Variants in GLIS3 observed in about 807,000 individuals in gnomAD.
GLIS3 encodes the protein zinc finger protein GLIS3.
Under a neutral mutation model 78.6 loss-of-function variants are expected in GLIS3, and 53 were observed. That is an observed-to-expected ratio of 0.67 (90% CI 0.54 to 0.85). The LOEUF is 0.85. Ranked by LOEUF, GLIS3 falls within the 40% of genes least tolerant of loss-of-function variation. The pLI is 0.00. For synonymous variants in GLIS3, 684 were observed against 509.9 expected (o/e 1.34, Z -4.60); for missense variants, 1,703 against 1,231.1 (o/e 1.38, Z -5.74).
At chr9:4,064,874 C>G (rs1022673540) in intron 4 of GLIS3, among the ~76,000 whole-genome samples, 4 of 152,196 alleles carry the variant, frequency 2.6e-5, no homozygotes, top group East Asian at 3.8e-4. Flanking sequence ...AGCATGTTAA[C>G]TAGGTCCCAA....
At chr9:4,416,337 A>G in the GLIS3 span, among the ~76,000 whole-genome samples, 2 of 150,290 alleles carry the variant, frequency 1.3e-5, no homozygotes, top group African/African-American at 4.9e-5. Context: ...CATCACCTTT[A>G]CAATTTTTTG....
At chr9:4,384,197 T>A in the GLIS3 span, among the ~76,000 whole-genome samples, 1 of 152,230 alleles carries the variant, frequency 6.6e-6, no homozygotes, top group African/African-American at 2.4e-5. Flanking sequence ...TGGAGCACAC[T>A]GGTGGTGAAC....
At chr9:4,072,552 A>G (rs1827702915) in intron 4 of GLIS3, among the ~76,000 whole-genome samples, 1 of 152,182 alleles carries the variant, frequency 6.6e-6, no homozygotes, top group Non-Finnish European at 1.5e-5. Flanking sequence ...ACATTTAAAA[A>G]TAGTCATTAT....
intron 6 of GLIS3, among the ~76,000 whole-genome samples, chr9:3,901,402 G>C (rs1823291285): frequency 6.6e-6 from 1 of 152,178 alleles, no homozygotes; most frequent in African/African-American, 2.4e-5. Flanking sequence ...ATGATAGACT[G>C]ATAGCTTGAA....
intron 2 of GLIS3, among the ~76,000 whole-genome samples, chr9:4,256,809 G>C (rs113689933): frequency 5.5e-5 from 7 of 127,742 alleles, no homozygotes; most frequent in African/African-American, 2.0e-4. Flanking sequence ...AAAAAGTTAA[G>C]AGAACTACCA....
chr9:4,285,737 T>C (rs1391723311), intron 2 of GLIS3: 2 of 404,900 alleles, frequency 4.9e-6, no homozygotes, highest in East Asian at 1.0e-4. Flanking sequence ...CTTGCTAACC[T>C]AGCTCTTACC....
chr9:3,873,529 T>C (rs1821099557), intron 8 of GLIS3, among the ~76,000 whole-genome samples: 2 of 152,184 alleles, frequency 1.3e-5, no homozygotes, highest in Admixed American at 1.3e-4. Flanking sequence ...ATAAGGTGAC[T>C]ATAGTTAAAT....
intron 2 of GLIS3, among the ~76,000 whole-genome samples, chr9:4,280,590 G>C (rs771892624): frequency 6.6e-6 from 1 of 152,034 alleles, no homozygotes; most frequent in African/African-American, 2.4e-5. Context: ...TAAATTCAGC[G>C]TCAAAGAATG....
At chr9:4,265,458 A>C (rs1034580344) in intron 2 of GLIS3, among the ~76,000 whole-genome samples, 2 of 146,300 alleles carry the variant, frequency 1.4e-5, no homozygotes, top group African/African-American at 5.4e-5. Context: ...ACTGGGATTC[A>C]ATCTCACATC....
chr9:4,386,298 G>A, the GLIS3 span: 1 of 152,070 alleles, frequency 6.6e-6, no homozygotes. Context: ...GGGCTGCAAT[G>A]AACATTTTCA....
chr9:4,263,711 T>C (rs971857106), intron 2 of GLIS3, among the ~76,000 whole-genome samples: 2 of 152,194 alleles, frequency 1.3e-5, no homozygotes, highest in Admixed American at 6.5e-5. Flanking sequence ...CCCAATGCAA[T>C]AGAGTATTTT....
chr9:4,032,846 T>C (rs1442288449), intron 4 of GLIS3, among the ~76,000 whole-genome samples: 1 of 151,314 alleles, frequency 6.6e-6, no homozygotes, highest in Non-Finnish European at 1.5e-5. Flanking sequence ...CCAAGTGGAA[T>C]TGAGAATTCT....
intron 4 of GLIS3, among the ~76,000 whole-genome samples, chr9:3,965,090 A>G (rs940368363): frequency 6.6e-6 from 1 of 152,008 alleles, no homozygotes; most frequent in African/African-American, 2.4e-5. Flanking sequence ...GAAAATAAGA[A>G]ATCTCTCCTA....
chr9:4,126,946 G>T (rs139181698), intron 2 of GLIS3, among the ~76,000 whole-genome samples: 1 of 152,246 alleles, frequency 6.6e-6, no homozygotes, highest in East Asian at 1.9e-4. Flanking sequence ...GAAGAAAAGT[G>T]TCACTGTCAC....
At chr9:3,917,974 G>C (rs187389489) in intron 6 of GLIS3, among the ~76,000 whole-genome samples, 236 of 152,306 alleles carry the variant, frequency 1.5e-3, no homozygotes, top group Middle Eastern at 6.8e-3. Context: ...TAGAAGGCTA[G>C]TGCTAAGAAT....
rs192854564 is a variant in GLIS3 at position 4,050,829 on chromosome 9, C to A, written c.1710+66939G>T. 3.0e-3 allele frequency among the ~76,000 whole-genome samples: 452 copies of A among 152,266 alleles called. 5 individuals carry two copies. The highest frequency in any genetic ancestry group is 0.01 in the African/African-American group (434 of 41,556). On this transcript the variant is annotated intron_variant, in intron 4 of 10. Coordinates refer to ENST00000381971, the MANE Select transcript of GLIS3 (RefSeq NM_001042413.2). ...GACTGGTTAGGCTCTCACCCCTCCC[C>A]ATCAGAGATGGGCCTCCACGTAAGA...
chr9:3,832,566 G>C (rs1213723110), intron 9 of GLIS3, among the ~76,000 whole-genome samples: 1 of 152,144 alleles, frequency 6.6e-6, no homozygotes, highest in African/African-American at 2.4e-5. Flanking sequence ...TGGTTTGAGG[G>C]AACCTGGAAT....
intron 9 of GLIS3, among the ~76,000 whole-genome samples, chr9:3,842,660 A>T (rs1818796157): frequency 6.6e-6 from 1 of 152,194 alleles, no homozygotes; most frequent in Non-Finnish European, 1.5e-5. Context: ...CCACCTTGGC[A>T]TGTGTGTTGA....
rs34558832 is a variant in GLIS3 at position 3,854,543 on chromosome 9, C to CTT, written c.2473+1464_2473+1465dup. Among the ~76,000 whole-genome samples, 648 of 145,640 alleles carry CTT rather than the reference C, an allele frequency of 4.4e-3. 3 individuals carry two copies. The highest frequency in any genetic ancestry group is 0.017 in the South Asian group (79 of 4,586). On this transcript the variant is annotated intron_variant, in intron 9 of 10. Transcript: ENST00000381971. Reference sequence around the variant, plus strand: ...CTGTTCAGGCCTTTACGTTGATGTTCTTTTTTTTTTTGAGACAGAGTCTCG... The same window carrying CTT: ...CTGTTCAGGCCTTTACGTTGATGTTCTTTTTTTTTTTTTGAGACAGAGTCTCG...
Sources: gnomAD v4.1 joint callset for allele counts (sites outside exome capture counted in the v4.1 genomes callset) on GRCh38, gnomAD v4.1.1 for gene constraint, MANE v1.5 for transcripts, NCBI Gene and HGNC (gene_info 2026-07-23, HGNC 2026-07-21) for gene names.